The following SMIM13 variants were observed in gnomAD, a reference collection of about 807,000 sequenced individuals.
The protein encoded by SMIM13 is UPF0766 protein C6orf228.
Under a neutral mutation model 5.9 loss-of-function variants are expected in SMIM13, and 3 were observed. The ratio of observed to expected loss-of-function variants is 0.51; its 90% confidence interval spans 0.23 to 1.31. The LOEUF (loss-of-function observed/expected upper bound fraction) is 1.31, where lower values mean the gene tolerates loss of function less well. Among genes scored for constraint, SMIM13 ranks in the 40% most tolerant of loss-of-function variants. SMIM13 has a pLI of 0.18. For synonymous variants in SMIM13, 55 were observed against 46.0 expected, an observed-to-expected ratio of 1.19 and a Z score of -0.79; for missense variants, 85 against 109.9, an observed-to-expected ratio of 0.77 and a Z score of 1.01.
At chr6:11,114,592 C>T (rs981935512) in intron 1 of SMIM13, among the ~76,000 whole-genome samples, 41 of 21,840 alleles carry the variant, frequency 1.9e-3, no homozygotes, top group African/African-American at 4.0e-3. Context: ...CACTTTTTCT[C>T]TTTTTTTTTT....
At chr6:11,094,438 A>G (rs1757895898) in intron 1 of SMIM13, 49 bp downstream of exon 1, 4 of 1,397,802 alleles carry the variant, frequency 2.9e-6, no homozygotes, top group Non-Finnish European at 2.9e-6. Context: ...CGGGTCGCTG[A>G]TCTGCTGGGG....
intron 1 of SMIM13, among the ~76,000 whole-genome samples, chr6:11,123,968 G>A (rs1381585346): frequency 6.6e-6 from 1 of 152,026 alleles, no homozygotes; most frequent in South Asian, 2.1e-4. Flanking sequence ...GATAAATGGG[G>A]TATTCACTAC....
intron 1 of SMIM13, among the ~76,000 whole-genome samples, chr6:11,124,577 C>G (rs1758352015): frequency 6.6e-6 from 1 of 152,010 alleles, no homozygotes; most frequent in East Asian, 1.9e-4. Context: ...TTTAAAGGAA[C>G]CTCCGAATTG....
intron 1 of SMIM13, chr6:11,111,682 G>A (rs1486916406): frequency 2.0e-5 from 3 of 152,246 alleles, no homozygotes; most frequent in Admixed American, 6.6e-5. Flanking sequence ...CTTACCACTA[G>A]GGAAGGTATC....
In SMIM13 at chr6:11,107,639, A is replaced by G. The variant is rs562015521; in HGVS notation, c.76+13250A>G. 5.9e-5 allele frequency among the ~76,000 whole-genome samples: 9 copies of G among 152,356 alleles called. No homozygotes were observed. The South Asian group carries it at 6.2e-4, about 11-fold the overall frequency. On this transcript the variant is annotated intron_variant, in intron 1 of 1. Coordinates refer to ENST00000416247, the MANE Select transcript of SMIM13 (RefSeq NM_001135575.2). ...ACAAAAGAAAGAGTCTTTAAGGTCTAAGACTGGAAACCACTGAGCATCTGG... is the reference window on the plus strand; with the variant it reads ...ACAAAAGAAAGAGTCTTTAAGGTCTGAGACTGGAAACCACTGAGCATCTGG...
intron 1 of SMIM13, 151 bp from the exon 2 acceptor site, chr6:11,134,252 G>C: frequency 2.0e-6 from 1 of 511,132 alleles, no homozygotes; most frequent in Non-Finnish European, 3.3e-6. Context: ...CTCATTCCTT[G>C]TACAAAAAAT....
chr6:11,123,844 A>G (rs1217207448), intron 1 of SMIM13, among the ~76,000 whole-genome samples: 1 of 152,222 alleles, frequency 6.6e-6, no homozygotes, highest in Non-Finnish European at 1.5e-5. Context: ...CTATTTTGAA[A>G]TATACAATAC....
chr6:11,100,886 T>G lies in SMIM13; in HGVS notation c.76+6497T>G, dbSNP rs1317599670. Among the ~76,000 whole-genome samples, 5 of 152,264 alleles carry G rather than the reference T, an allele frequency of 3.3e-5. No individual in the cohort carries two copies. In the East Asian group the frequency reaches 9.7e-4, roughly 29 times the overall value. On this transcript the variant is annotated intron_variant, in intron 1 of 1. Transcript: ENST00000416247. Reference sequence around the variant, plus strand: ...TTTCAAGATGCTTTTTGGATAGCCTTTTTGTCATTGTATACTGAAATGTCA... The same window carrying G: ...TTTCAAGATGCTTTTTGGATAGCCTGTTTGTCATTGTATACTGAAATGTCA...
At chr6:11,105,378 G>T (rs1024090628) in intron 1 of SMIM13, 2 of 1,182,726 alleles carry the variant, frequency 1.7e-6, no homozygotes, top group East Asian at 2.4e-5. Context: ...ACAAGTTAGG[G>T]TTAAAATAGT....
chr6:11,121,919 A>G (rs1758315589), intron 1 of SMIM13, among the ~76,000 whole-genome samples: 1 of 152,046 alleles, frequency 6.6e-6, no homozygotes, highest in Non-Finnish European at 1.5e-5. Context: ...ATACATACCT[A>G]CACCGTCTCA....
chr6:11,123,998 C>G (rs1758345020), intron 1 of SMIM13, among the ~76,000 whole-genome samples: 3 of 152,140 alleles, frequency 2.0e-5, no homozygotes, highest in African/African-American at 7.2e-5. Context: ...TTATCCTTTG[C>G]ATTATAATTC....
At chr6:11,103,479 T>G in intron 1 of SMIM13, 2 of 646,304 alleles carry the variant, frequency 3.1e-6, no homozygotes, top group African/African-American at 1.8e-5. Context: ...CAAGACCCAA[T>G]TATCTGGGAA....
rs1758498971 is a variant in SMIM13 at position 11,134,812 on chromosome 6, C to T, written c.*210C>T. The T allele has an allele frequency of 1.3e-5, 5 of 392,512 alleles. No individual in the cohort carries two copies. The highest frequency in any genetic ancestry group is 1.6e-4 in the South Asian group (2 of 12,494). The allele number at this position is 392,512 out of a possible 1,614,324, so 24.3% of individuals were successfully genotyped here. Reference sequence around the variant, plus strand: ...ATCTTAAAGATAATCTTTTGTTTCACCAGCTTTCTACTTATACACTTATTC... The same window carrying T: ...ATCTTAAAGATAATCTTTTGTTTCATCAGCTTTCTACTTATACACTTATTC... On this transcript the variant is annotated 3_prime_UTR_variant, in exon 2 of 2. Coordinates refer to ENST00000416247, the MANE Select transcript of SMIM13 (RefSeq NM_001135575.2).
At chr6:11,099,215 G>A (rs770434749) in intron 1 of SMIM13, among the ~76,000 whole-genome samples, 4 of 151,614 alleles carry the variant, frequency 2.6e-5, no homozygotes, top group East Asian at 1.9e-4. Flanking sequence ...TAGCTCTGTC[G>A]CCAGGCTGGA....
At chr6:11,104,075 T>C (rs1758043264) in intron 1 of SMIM13, 2 of 1,551,642 alleles carry the variant, frequency 1.3e-6, no homozygotes, top group Non-Finnish European at 8.7e-7. Context: ...TTTGAAGGAC[T>C]ACGGCTGCTA....
intron 1 of SMIM13, chr6:11,105,494 G>A: frequency 1.7e-6 from 1 of 584,360 alleles, no homozygotes; most frequent in Non-Finnish European, 3.1e-6. Context: ...GTTTAAAGAG[G>A]AATTTTAGAT....
chr6:11,105,173 A>G (rs370594962), intron 1 of SMIM13: 135 of 1,614,086 alleles, frequency 8.4e-5, no homozygotes, highest in Non-Finnish European at 1.1e-4. Flanking sequence ...AAGAGCTAGT[A>G]CATAACCAGC....
rs532563763 is a variant in SMIM13 at position 11,133,386 on chromosome 6, A to G, written c.77-1017A>G. On this transcript the variant is annotated intron_variant, in intron 1 of 1. Transcript: ENST00000416247. ...GTTTATAGTAATTTTTTTTCCAGAG[A>G]TAGTAAGAAAAAAAACAAGTAAAAT... Among the ~76,000 whole-genome samples the G allele has an allele frequency of 2.2e-4, 33 of 152,106 alleles. No individual in the cohort carries two copies. The Middle Eastern group carries it at 0.01, about 47-fold the overall frequency.
chr6:11,105,289 G>T (rs1275706228), intron 1 of SMIM13: 1 of 1,613,496 alleles, frequency 6.2e-7, no homozygotes, highest in Admixed American at 1.7e-5. Context: ...GTGAGAATGA[G>T]AACCAGCAGG....
Sources: gnomAD v4.1 joint callset for allele counts (sites outside exome capture counted in the v4.1 genomes callset) on GRCh38, gnomAD v4.1.1 for gene constraint, MANE v1.5 for transcripts, NCBI Gene and HGNC (gene_info 2026-07-23, HGNC 2026-07-21) for gene names.